DLGAP2: variants seen among roughly 807,000 people sequenced by gnomAD.
DLGAP2 encodes the protein disks large-associated protein 2.
DLGAP2 carries 26 observed loss-of-function variants against 100.3 expected under a neutral mutation model. That is an observed-to-expected ratio of 0.26 (90% CI 0.19 to 0.36). The LOEUF is 0.36. Ranked by LOEUF, DLGAP2 falls within the 10% of genes least tolerant of loss-of-function variation. DLGAP2 has a pLI of 1.00. For missense variants in DLGAP2, 1,858 were observed against 1,453.2 expected, an observed-to-expected ratio of 1.28 and a Z score of -4.53; for synonymous variants, 886 against 630.1, an observed-to-expected ratio of 1.41 and a Z score of -6.08.
chr8:1,204,514 A>C (rs1407724488), intron 2 of DLGAP2, among the ~76,000 whole-genome samples: 1 of 152,174 alleles, frequency 6.6e-6, no homozygotes, highest in South Asian at 2.1e-4. Context: ...TAGTTTTCAC[A>C]CCTGGTGAAA....
rs576760589 is a variant in DLGAP2 at position 1,052,170 on chromosome 8, C to T, written c.73+144204C>T. ...CCGTGTCATGAGGTGGGCCTGGGCC[C>T]GGCCGCCCTTCCTGGGCCTGCCTCT... On this transcript the variant is annotated intron_variant, in intron 2 of 14. Coordinates refer to ENST00000637795, the MANE Select transcript of DLGAP2 (RefSeq NM_001346810.2). Among the ~76,000 whole-genome samples the T allele has an allele frequency of 7.9e-5, 12 of 152,260 alleles. No individual in the cohort carries two copies. In the East Asian group the frequency reaches 1.6e-3, roughly 20 times the overall value.
intron 2 of DLGAP2, among the ~76,000 whole-genome samples, chr8:1,249,776 C>T (rs1798995617): frequency 6.6e-6 from 1 of 152,190 alleles, no homozygotes; most frequent in African/African-American, 2.4e-5. Flanking sequence ...TATTTTTTAG[C>T]TAGTTCTTAA....
At chr8:1,081,408 G>C (rs1040941748) in intron 2 of DLGAP2, among the ~76,000 whole-genome samples, 2 of 152,218 alleles carry the variant, frequency 1.3e-5, no homozygotes, top group African/African-American at 4.8e-5. Flanking sequence ...TTGGAGTGCA[G>C]TGGCGCAGCC....
chr8:1,701,575 G>C lies in DLGAP2; in HGVS notation c.*169G>C. 1.4e-6 allele frequency: 1 copy of C among 703,012 alleles called. No homozygotes were observed. The highest frequency in any genetic ancestry group is 1.9e-5 in the South Asian group (1 of 51,328). The allele number at this position is 703,012 out of a possible 1,614,324, so 43.5% of individuals were successfully genotyped here. A position where few individuals can be genotyped will look rare whatever the true frequency, so the allele number is the denominator to read the frequency against. On this transcript the variant is annotated 3_prime_UTR_variant, in exon 15 of 15. Coordinates refer to ENST00000637795, the MANE Select transcript of DLGAP2 (RefSeq NM_001346810.2). ...CGCGGCCGGCGGCCTCAGAGTCCAC[G>C]GAGCTCGCGGCGAGGACGACTTCTG...
chr8:1,626,401 A>G (rs1797499163), intron 6 of DLGAP2, among the ~76,000 whole-genome samples: 2 of 116,144 alleles, frequency 1.7e-5, no homozygotes, highest in Admixed American at 1.7e-4. Flanking sequence ...GGCTGTTCCC[A>G]TCTCTACCCT....
chr8:1,227,155 T>TAGATAGATAG (rs745892416), intron 2 of DLGAP2, among the ~76,000 whole-genome samples: 1 of 126,802 alleles, frequency 7.9e-6, no homozygotes, highest in Non-Finnish European at 1.6e-5. Flanking sequence ...AACTGTGAGA[T>TAGATAGATAG]ATATATATAT....
At chr8:799,623 C>G (rs1431633914) in intron 1 of DLGAP2, among the ~76,000 whole-genome samples, 1 of 152,194 alleles carries the variant, frequency 6.6e-6, no homozygotes, top group Non-Finnish European at 1.5e-5. Context: ...CTTTTAAAGA[C>G]AGGGTCTCTG....
chr8:1,334,211 A>C (rs1288553720), intron 3 of DLGAP2, among the ~76,000 whole-genome samples: 1 of 152,206 alleles, frequency 6.6e-6, no homozygotes, highest in East Asian at 1.9e-4. Flanking sequence ...CCTGTGATGA[A>C]AATCAACAGC....
intron 2 of DLGAP2, among the ~76,000 whole-genome samples, chr8:1,013,661 C>G (rs1348791243): frequency 8.5e-6 from 1 of 116,962 alleles, no homozygotes; most frequent in Non-Finnish European, 1.6e-5. Flanking sequence ...CCAGGACAGA[C>G]GCCTCCACTG....
At chr8:1,109,439 C>A (rs1249992593) in intron 2 of DLGAP2, among the ~76,000 whole-genome samples, 1 of 11,520 alleles carries the variant, frequency 8.7e-5, no homozygotes, top group African/African-American at 4.8e-4. Flanking sequence ...ATGAAGTGTG[C>A]TGGATCTGTG....
At chr8:1,530,541 A>T (rs996184389) in intron 4 of DLGAP2, among the ~76,000 whole-genome samples, 16 of 152,200 alleles carry the variant, frequency 1.1e-4, no homozygotes, top group African/African-American at 3.9e-4. Context: ...TCCTCAGCTG[A>T]CAGGATTAAG....
At chr8:1,369,497 C>T (rs1802187103) in intron 3 of DLGAP2, 1 of 152,214 alleles carries the variant, frequency 6.6e-6, no homozygotes, top group African/African-American at 2.4e-5. Context: ...TTCAGCCCCT[C>T]ACAGTTGGTT....
At chr8:912,946 C>T (rs934999042) in intron 2 of DLGAP2, among the ~76,000 whole-genome samples, 1 of 152,114 alleles carries the variant, frequency 6.6e-6, no homozygotes, top group Non-Finnish European at 1.5e-5. Context: ...TGGTCTTTCC[C>T]CTCAGTAGCT....
chr8:1,110,488 T>C (rs900459612), intron 2 of DLGAP2, among the ~76,000 whole-genome samples: 2 of 150,688 alleles, frequency 1.3e-5, no homozygotes, highest in Non-Finnish European at 3.0e-5. Context: ...ATGTGCTCGG[T>C]CTGTGATGTG....
intron 12 of DLGAP2, among the ~76,000 whole-genome samples, chr8:1,690,266 G>C (rs1325672288): frequency 6.7e-6 from 1 of 148,332 alleles, no homozygotes; most frequent in Non-Finnish European, 1.5e-5. Flanking sequence ...TGAGGCAGGA[G>C]AATCACTTGA....
intron 4 of DLGAP2, among the ~76,000 whole-genome samples, chr8:1,544,619 A>C (rs964262773): frequency 6.6e-6 from 1 of 152,136 alleles, no homozygotes; most frequent in African/African-American, 2.4e-5. Context: ...GATTTATTAC[A>C]TTGATTGATT....
At chr8:825,188 A>G (rs1470635224) in intron 1 of DLGAP2, among the ~76,000 whole-genome samples, 22 of 152,166 alleles carry the variant, frequency 1.4e-4, no homozygotes, top group Admixed American at 1.4e-3. Context: ...CTGCTACCGT[A>G]CGGCTGTCAG....
intron 2 of DLGAP2, among the ~76,000 whole-genome samples, chr8:1,063,838 G>A (rs1803162949): frequency 6.6e-6 from 1 of 152,202 alleles, no homozygotes; most frequent in African/African-American, 2.4e-5. Flanking sequence ...CGGAGGTTTA[G>A]TGTTAAAATG....
At chr8:1,444,020 C>G (rs1253496840) in intron 3 of DLGAP2, among the ~76,000 whole-genome samples, 2 of 152,174 alleles carry the variant, frequency 1.3e-5, no homozygotes, top group East Asian at 3.9e-4. Context: ...TTCCAGTGTT[C>G]ATGATCATTG....
Sources: allele counts gnomAD v4.1 joint callset (sites outside exome capture counted in the v4.1 genomes callset), GRCh38; gene constraint gnomAD v4.1.1; transcripts MANE v1.5; gene names NCBI Gene and HGNC (gene_info 2026-07-23, HGNC 2026-07-21).